Variants in HTR1E observed in about 807,000 individuals in gnomAD.
HTR1E encodes 5-HT-1E.
In HTR1E, 3 loss-of-function variants were observed where a neutral mutation model predicts 3.4. That is an observed-to-expected ratio of 0.89 (90% CI 0.41 to 2.31). The LOEUF (loss-of-function observed/expected upper bound fraction) is 2.31, where lower values mean the gene tolerates loss of function less well. Among genes scored for constraint, HTR1E ranks in the 30% most tolerant of loss-of-function variants. The probability of loss-of-function intolerance (pLI) is 0.05; values close to 1 mark genes in which losing one functional copy is unlikely to be tolerated. For synonymous variants in HTR1E, 170 were observed against 182.8 expected (o/e 0.93, Z 0.56); for missense variants, 392 against 467.0 (o/e 0.84, Z 1.48).
intron 1 of HTR1E, among the ~76,000 whole-genome samples, chr6:86,954,537 G>T (rs555785688): frequency 0.011 from 1,606 of 152,278 alleles, 17 homozygotes; most frequent in Non-Finnish European, 0.017. Flanking sequence ...ATTTCTGGAT[G>T]GGGAGCCACA....
chr6:86,938,167 G>A (rs951216469), intron 1 of HTR1E, among the ~76,000 whole-genome samples: 2 of 152,156 alleles, frequency 1.3e-5, no homozygotes, highest in Non-Finnish European at 2.9e-5. Flanking sequence ...TGCTGGGGGG[G>A]GCCAGGGAAA....
intron 1 of HTR1E, among the ~76,000 whole-genome samples, chr6:87,009,152 C>A (rs1249840811): frequency 2.0e-5 from 3 of 149,980 alleles, no homozygotes; most frequent in African/African-American, 2.5e-5. Flanking sequence ...GAGGGAAGGT[C>A]AGCAGATAAA....
intron 1 of HTR1E, among the ~76,000 whole-genome samples, chr6:86,938,162 G>C (rs1017953202): frequency 5.3e-5 from 8 of 152,230 alleles, no homozygotes; most frequent in African/African-American, 1.2e-4. Flanking sequence ...ACGGGTGCTG[G>C]GGGGGGCCAG....
intron 1 of HTR1E, among the ~76,000 whole-genome samples, chr6:86,962,309 G>A (rs149913545): frequency 1.0e-3 from 154 of 152,280 alleles, no homozygotes; most frequent in African/African-American, 3.5e-3. Flanking sequence ...TCAGCTATTT[G>A]AGAATGGTCA....
chr6:86,959,155 A>T (rs973949806), intron 1 of HTR1E, among the ~76,000 whole-genome samples: 6 of 152,160 alleles, frequency 3.9e-5, no homozygotes, highest in Non-Finnish European at 4.4e-5. Flanking sequence ...GGGGAAACTC[A>T]GTCTTTTTTC....
chr6:87,004,899 T>C (rs1341628035), intron 1 of HTR1E, among the ~76,000 whole-genome samples: 1 of 152,082 alleles, frequency 6.6e-6, no homozygotes, highest in Non-Finnish European at 1.5e-5. Context: ...AAGTCAAGGA[T>C]ACAAAATCAA....
intron 1 of HTR1E, among the ~76,000 whole-genome samples, chr6:86,944,819 C>A (rs1768592391): frequency 6.6e-6 from 1 of 152,142 alleles, no homozygotes; most frequent in Admixed American, 6.5e-5. Flanking sequence ...ATCGCTATTG[C>A]AATGTTGTTG....
chr6:86,978,323 T>A (rs982390058), intron 1 of HTR1E, among the ~76,000 whole-genome samples: 2 of 152,120 alleles, frequency 1.3e-5, no homozygotes, highest in South Asian at 2.1e-4. Flanking sequence ...CTGGCTACTG[T>A]TATATAGGTA....
At chr6:86,954,270 T>A (rs532176106) in intron 1 of HTR1E, among the ~76,000 whole-genome samples, 1 of 152,336 alleles carries the variant, frequency 6.6e-6, no homozygotes, top group South Asian at 2.1e-4. Context: ...TGTCTGCCTC[T>A]CATCATATGG....
At chr6:86,964,209 G>GA (rs1444362509) in intron 1 of HTR1E, among the ~76,000 whole-genome samples, 1 of 152,162 alleles carries the variant, frequency 6.6e-6, no homozygotes, top group Non-Finnish European at 1.5e-5. Context: ...TTGCATGACT[G>GA]AAAAAATATG....
chr6:86,980,109 C>T (rs142853083), intron 1 of HTR1E, among the ~76,000 whole-genome samples: 1 of 152,240 alleles, frequency 6.6e-6, no homozygotes, highest in East Asian at 1.9e-4. Context: ...CAGGGTCGGC[C>T]AGGCGCGGTG....
intron 1 of HTR1E, among the ~76,000 whole-genome samples, chr6:86,960,333 G>A (rs1401309064): frequency 6.6e-6 from 1 of 152,072 alleles, no homozygotes; most frequent in Non-Finnish European, 1.5e-5. Flanking sequence ...TTTTTATACT[G>A]ACATTAATCC....
At position 87,016,284 on chromosome 6, in the gene HTR1E, G is replaced by A; in HGVS notation, c.950G>A (p.Ser317Asn). 1 of 1,612,842 alleles carries A rather than the reference G, an allele frequency of 6.2e-7. No homozygotes were observed. The highest frequency in any genetic ancestry group is 8.5e-7 in the Non-Finnish European group (1 of 1,179,566). The change falls in exon 2 of 2, where the codon AGC becomes AAC. Residue 317 changes from serine (S) to asparagine (N), a missense_variant. Ser to Asn is a conservative substitution (Grantham distance 46). Coordinates refer to ENST00000305344, the MANE Select transcript of HTR1E (RefSeq NM_000865.3). ...ATCAAAGAGTTGATTGTGGGTCTGA[G>A]CATCTACACCGTGTCCTCGGAAGTG... ...FFIKELIVGL[S>N]IYTVSSEVAD...
intron 1 of HTR1E, among the ~76,000 whole-genome samples, chr6:86,940,040 C>T (rs1032284334): frequency 2.6e-5 from 4 of 152,152 alleles, no homozygotes; most frequent in Admixed American, 6.5e-5. Context: ...TAGGAAGAGA[C>T]AAAATCCAGG....
intron 1 of HTR1E, among the ~76,000 whole-genome samples, chr6:86,995,423 T>C (rs1223272380): frequency 2.6e-5 from 4 of 151,468 alleles, no homozygotes; most frequent in African/African-American, 9.7e-5. Context: ...CCCAGCACTT[T>C]GGGAGGTCGA....
intron 1 of HTR1E, among the ~76,000 whole-genome samples, chr6:86,972,536 A>C (rs1352449021): frequency 6.6e-6 from 1 of 152,220 alleles, no homozygotes. Flanking sequence ...AATTTGAGAA[A>C]TTATATTAAA....
intron 1 of HTR1E, among the ~76,000 whole-genome samples, chr6:86,990,900 G>T (rs551676076): frequency 1.3e-5 from 2 of 152,110 alleles, no homozygotes; most frequent in South Asian, 4.1e-4. Context: ...AAATAGAGCA[G>T]GGAAAGGGAA....
intron 1 of HTR1E, among the ~76,000 whole-genome samples, chr6:86,987,198 C>G (rs996950889): frequency 6.6e-6 from 1 of 152,152 alleles, no homozygotes; most frequent in Admixed American, 6.6e-5. Context: ...TAGCCCAACA[C>G]AGTGTCAGTA....
At chr6:87,005,426 A>G (rs1340290015) in intron 1 of HTR1E, among the ~76,000 whole-genome samples, 5 of 152,216 alleles carry the variant, frequency 3.3e-5, no homozygotes, top group African/African-American at 1.2e-4. Flanking sequence ...AAACCCAGAA[A>G]TAAATCCGTA....
Sources: allele counts gnomAD v4.1 joint callset (sites outside exome capture counted in the v4.1 genomes callset), GRCh38; gene constraint gnomAD v4.1.1; transcripts MANE v1.5; gene names NCBI Gene and HGNC (gene_info 2026-07-23, HGNC 2026-07-21).